Variants in DPYD observed in about 807,000 individuals in gnomAD.
DPYD encodes dihydropyrimidine dehydrogenase, also known as dihydropyrimidine dehydrogenase [NADP(+)].
In DPYD, 109 loss-of-function variants were observed where a neutral mutation model predicts 116.2. The observed-to-expected ratio is 0.94, with a 90% CI of 0.80 to 1.10. The LOEUF (loss-of-function observed/expected upper bound fraction) is 1.10, where lower values mean the gene tolerates loss of function less well. DPYD is among the 50% of genes least tolerant of loss of function. The pLI is 0.00. For missense variants in DPYD, 1,302 were observed against 1,254.5 expected (o/e 1.04, Z -0.57); for synonymous variants, 440 against 432.0 (o/e 1.02, Z -0.23).
intron 20 of DPYD, among the ~76,000 whole-genome samples, chr1:97,138,945 A>C (rs950392721): frequency 6.6e-6 from 1 of 152,284 alleles, no homozygotes; most frequent in Admixed American, 6.5e-5. Flanking sequence ...CCCTCATAAC[A>C]AAGGCTTGTG....
At chr1:97,697,680 A>G (rs1029696067) in intron 6 of DPYD, among the ~76,000 whole-genome samples, 1 of 152,068 alleles carries the variant, frequency 6.6e-6, no homozygotes, top group Admixed American at 6.5e-5. Flanking sequence ...ACTCTGTCTC[A>G]CTAAAAAAAT....
intron 8 of DPYD, among the ~76,000 whole-genome samples, chr1:97,626,854 C>CT (rs976673169): frequency 1.6e-4 from 25 of 151,864 alleles, no homozygotes; most frequent in African/African-American, 5.1e-4. Context: ...GTCTTTCTTT[C>CT]TTTTTTTTCC....
chr1:97,841,623 A>AT (rs1670040897), intron 2 of DPYD, among the ~76,000 whole-genome samples: 1 of 152,048 alleles, frequency 6.6e-6, no homozygotes, highest in Admixed American at 6.5e-5. Context: ...AATATCTGAC[A>AT]TAAGTATTTA....
intron 20 of DPYD, among the ~76,000 whole-genome samples, chr1:97,099,580 G>C (rs989790591): frequency 3.3e-5 from 5 of 151,854 alleles, no homozygotes; most frequent in Non-Finnish European, 1.5e-5. Context: ...GTTTTGTGTC[G>C]GCCTGTAACC....
intron 18 of DPYD, among the ~76,000 whole-genome samples, chr1:97,244,108 G>A (rs1309260604): frequency 6.6e-6 from 1 of 151,892 alleles, no homozygotes; most frequent in African/African-American, 2.4e-5. Context: ...GGCATAATTA[G>A]TCTATATGTA....
At chr1:97,432,401 A>T (rs1281624326) in intron 14 of DPYD, among the ~76,000 whole-genome samples, 1 of 152,050 alleles carries the variant, frequency 6.6e-6, no homozygotes, top group African/African-American at 2.4e-5. Context: ...CATTTCTCAT[A>T]ATGTATTCTT....
rs1357220544 is a variant in DPYD at position 97,134,005 on chromosome 1, AAAAAAAAAAATATATAT to A, written c.2623-35390_2623-35374del. Among the ~76,000 whole-genome samples, 18 of 34,008 alleles carry A rather than the reference AAAAAAAAAAATATATAT, an allele frequency of 5.3e-4. 1 individual carries two copies. The highest frequency in any genetic ancestry group is 1.4e-3 in the Admixed American group (3 of 2,206). The allele number at this position is 34,008 out of a possible 152,430, so 22.3% of individuals were successfully genotyped here. ...CAGAGCCAGACTCTGTTTCAAAAAA[AAAAAAAAAAATATATAT>A]ATATATATATATATATATATATATA... On this transcript the variant is annotated intron_variant, in intron 20 of 22. Coordinates refer to ENST00000370192, the MANE Select transcript of DPYD (RefSeq NM_000110.4).
At chr1:97,292,638 C>G (rs1570447150) in intron 18 of DPYD, among the ~76,000 whole-genome samples, 2 of 152,126 alleles carry the variant, frequency 1.3e-5, no homozygotes, top group Admixed American at 6.5e-5. Context: ...AAAGAAAGGT[C>G]TTTGAGAGTG....
At chr1:97,429,221 T>C (rs577056422) in intron 14 of DPYD, among the ~76,000 whole-genome samples, 2 of 152,188 alleles carry the variant, frequency 1.3e-5, no homozygotes, top group South Asian at 2.1e-4. Flanking sequence ...TTATCATTTG[T>C]TTTACTAAAT....
intron 18 of DPYD, among the ~76,000 whole-genome samples, chr1:97,237,636 T>C (rs79599921): frequency 0.034 from 5,123 of 152,216 alleles, 279 homozygotes; most frequent in African/African-American, 0.12. Flanking sequence ...AACACACATA[T>C]ATATACACAT....
At chr1:97,422,175 T>C (rs1458620462) in intron 14 of DPYD, among the ~76,000 whole-genome samples, 1 of 152,194 alleles carries the variant, frequency 6.6e-6, no homozygotes, top group Non-Finnish European at 1.5e-5. Flanking sequence ...ATTTTTAACA[T>C]TATTATATTA....
chr1:97,168,891 G>C (rs539451797), intron 20 of DPYD, among the ~76,000 whole-genome samples: 7 of 148,852 alleles, frequency 4.7e-5, no homozygotes, highest in Non-Finnish European at 1.0e-4. Context: ...CTGTCACCCA[G>C]GCTGCAGTGC....
At chr1:97,742,746 A>G (rs941769081) in intron 3 of DPYD, among the ~76,000 whole-genome samples, 7 of 152,152 alleles carry the variant, frequency 4.6e-5, no homozygotes, top group African/African-American at 7.2e-5. Flanking sequence ...TAGTGGTTTG[A>G]AAGGATTTTC....
intron 13 of DPYD, among the ~76,000 whole-genome samples, chr1:97,485,154 G>C (rs989669600): frequency 1.3e-5 from 2 of 151,944 alleles, no homozygotes; most frequent in Non-Finnish European, 2.9e-5. Flanking sequence ...CTTTGTATTG[G>C]ATCTTCCCTA....
At chr1:97,634,042 G>T (rs1336188854) in intron 8 of DPYD, among the ~76,000 whole-genome samples, 1 of 152,036 alleles carries the variant, frequency 6.6e-6, no homozygotes, top group African/African-American at 2.4e-5. Flanking sequence ...TCTCAACTGG[G>T]CTTCAGCTCG....
At chr1:97,172,697 T>C (rs970493315) in intron 20 of DPYD, among the ~76,000 whole-genome samples, 2 of 152,204 alleles carry the variant, frequency 1.3e-5, no homozygotes, top group Non-Finnish European at 2.9e-5. Context: ...TTATGCTAAA[T>C]GACAACGACA....
intron 3 of DPYD, among the ~76,000 whole-genome samples, chr1:97,760,922 G>A (rs1307794779): frequency 6.6e-6 from 1 of 152,056 alleles, no homozygotes; most frequent in African/African-American, 2.4e-5. Flanking sequence ...CCCATGCAAG[G>A]GGTTAGAACA....
At chr1:97,542,144 C>A (rs903177176) in intron 12 of DPYD, among the ~76,000 whole-genome samples, 126 of 152,276 alleles carry the variant, frequency 8.3e-4, no homozygotes, top group African/African-American at 3.0e-3. Context: ...GCTAGGCAAT[C>A]TCATCATGTT....
At chr1:97,527,228 G>A (rs1228769675) in intron 12 of DPYD, among the ~76,000 whole-genome samples, 1 of 151,984 alleles carries the variant, frequency 6.6e-6, no homozygotes, top group South Asian at 2.1e-4. Context: ...ACAGGCGCCT[G>A]CCACCACGCC....
Sources: allele counts gnomAD v4.1 joint callset (sites outside exome capture counted in the v4.1 genomes callset), GRCh38; gene constraint gnomAD v4.1.1; transcripts MANE v1.5; gene names NCBI Gene and HGNC (gene_info 2026-07-23, HGNC 2026-07-21).